Variants in CRISPLD2 observed in about 807,000 individuals in gnomAD.
The protein encoded by CRISPLD2 is cysteine-rich secretory protein LCCL domain-containing 2.
In CRISPLD2, 47 loss-of-function variants were observed where a neutral mutation model predicts 71.1. The observed-to-expected ratio is 0.66, with a 90% CI of 0.52 to 0.84. CRISPLD2 has a LOEUF of 0.84. CRISPLD2 is among the 40% of genes least tolerant of loss of function. CRISPLD2 has a pLI of 0.00. For missense variants in CRISPLD2, 830 were observed against 651.1 expected, an observed-to-expected ratio of 1.27 and a Z score of -2.99; for synonymous variants, 317 against 250.1, an observed-to-expected ratio of 1.27 and a Z score of -2.52.
chr16:84,894,200 G>A (rs75900176), intron 14 of CRISPLD2, among the ~76,000 whole-genome samples: 118 of 152,188 alleles, frequency 7.8e-4, no homozygotes, highest in African/African-American at 2.7e-3. Flanking sequence ...TGCCCACCTG[G>A]GTATCAAAGG....
rs2071812552 is a variant in CRISPLD2, at chr16:84,907,353, C to T, written c.*711C>T. 1 of 152,528 alleles carries T rather than the reference C, an allele frequency of 6.6e-6. No individual in the cohort carries two copies. The highest frequency in any genetic ancestry group is 6.5e-5 in the Admixed American group (1 of 15,286). The allele number at this position is 152,528 out of a possible 1,614,324, so 9.4% of individuals were successfully genotyped here. On this transcript the variant is annotated 3_prime_UTR_variant, in exon 15 of 15. Coordinates refer to ENST00000262424, the MANE Select transcript of CRISPLD2 (RefSeq NM_031476.4). Reference sequence around the variant, plus strand: ...TTCAGCAGTCACTTCAGAGATGTATCTTGTCTTTGTCAGGCCCTTCGTCTT... The same window carrying T: ...TTCAGCAGTCACTTCAGAGATGTATTTTGTCTTTGTCAGGCCCTTCGTCTT...
Position 84,820,352 on chromosome 16 carries a change from A to G in CRISPLD2, c.-75+219A>G, listed in dbSNP as rs1916203826. 2.0e-5 allele frequency among the ~76,000 whole-genome samples: 3 copies of G among 152,274 alleles called. No homozygotes were observed. In the South Asian group the frequency reaches 6.2e-4, roughly 32 times the overall value. ...CTCATTTGTCCAGGACCTCGCAGCC[A>G]GGACTCCAAGGACCCAGGATTCAAC... On this transcript the variant is annotated intron_variant, in intron 1 of 14. Coordinates refer to ENST00000262424, the MANE Select transcript of CRISPLD2 (RefSeq NM_031476.4).
At chr16:84,902,376 G>A (rs2071762873) in intron 14 of CRISPLD2, among the ~76,000 whole-genome samples, 1 of 151,800 alleles carries the variant, frequency 6.6e-6, no homozygotes, top group African/African-American at 2.4e-5. Flanking sequence ...TTGGGAGGCC[G>A]AGGAGGGTGG....
intron 3 of CRISPLD2, among the ~76,000 whole-genome samples, chr16:84,849,001 AAAG>A (rs1916996892): frequency 6.6e-6 from 1 of 150,556 alleles, no homozygotes; most frequent in Non-Finnish European, 1.5e-5. Flanking sequence ...AAAAAAAAAA[AAAG>A]AAAGGACTCA....
chr16:84,882,648 A>G (rs1002606468), intron 13 of CRISPLD2, among the ~76,000 whole-genome samples: 3 of 152,136 alleles, frequency 2.0e-5, no homozygotes, highest in South Asian at 4.1e-4. Flanking sequence ...CAGGTGATCC[A>G]CCCACCTTGG....
chr16:84,853,112 G>A (rs547653046), intron 5 of CRISPLD2, among the ~76,000 whole-genome samples: 6 of 152,288 alleles, frequency 3.9e-5, no homozygotes, highest in African/African-American at 1.4e-4. Flanking sequence ...TGCCCAGCCA[G>A]CCTTCCACCA....
chr16:84,842,852 G>C (rs1396895369), intron 2 of CRISPLD2, among the ~76,000 whole-genome samples: 1 of 152,130 alleles, frequency 6.6e-6, no homozygotes, highest in Admixed American at 6.5e-5. Context: ...GAGGCCCCAC[G>C]TCTCTCTGGA....
intron 11 of CRISPLD2, among the ~76,000 whole-genome samples, chr16:84,876,798 A>AAAAAAG (rs1457560359): frequency 6.6e-6 from 1 of 152,266 alleles, no homozygotes. Flanking sequence ...GTCTCAAAGA[A>AAAAAAG]AAAAAGAAAA....
intron 6 of CRISPLD2, 102 bp downstream of exon 6, chr16:84,854,931 C>T (rs1917195294): frequency 3.3e-6 from 3 of 911,624 alleles, no homozygotes; most frequent in African/African-American, 3.2e-5. Context: ...TCAGTCACCC[C>T]TCCTGGCCCT....
At chr16:84,839,163 A>G (rs1916706491) in intron 2 of CRISPLD2, 1 of 354,386 alleles carries the variant, frequency 2.8e-6, no homozygotes, top group Non-Finnish European at 5.5e-6. Context: ...CTAGGATTAT[A>G]GGCATGAGTC....
chr16:84,860,054 TCCA>T (rs1241508611), intron 6 of CRISPLD2, among the ~76,000 whole-genome samples: 1 of 147,440 alleles, frequency 6.8e-6, no homozygotes, highest in African/African-American at 2.5e-5. Flanking sequence ...AAATGACTAA[TCCA>T]CTCTACCATC....
rs114985131 is a variant in CRISPLD2 at position 84,870,697 on chromosome 16, C to T, written c.915-1745C>T. On this transcript the variant is annotated intron_variant, in intron 8 of 14. Coordinates refer to ENST00000262424, the MANE Select transcript of CRISPLD2 (RefSeq NM_031476.4). The stretch of plus-strand genomic sequence containing the variant: ...AGTGACTGCCTGATACTCTGACACA[C>T]GACTGTACATGAATGTGTTTAGCCA... 8.8e-3 allele frequency among the ~76,000 whole-genome samples: 1,337 copies of T among 152,324 alleles called. 16 individuals are homozygous for T. Among genetic ancestry groups the T allele is most frequent in the African/African-American group, 0.03 (1,256 of 41,562 alleles).
In CRISPLD2 at chr16:84,847,453, T is replaced by C. The variant is rs183063516; in HGVS notation, c.359+1549T>C. 3.8e-3 allele frequency among the ~76,000 whole-genome samples: 580 copies of C among 152,192 alleles called. 4 individuals carry two copies. Among genetic ancestry groups the C allele is most frequent in the South Asian group, 0.013 (63 of 4,804 alleles). The stretch of plus-strand genomic sequence containing the variant: ...GAATACAAGGTCAGGAGTTCAAGAC[T>C]ATCCTGGCCAACATAGTGAAACCCC... On this transcript the variant is annotated intron_variant, in intron 3 of 14. Coordinates refer to ENST00000262424, the MANE Select transcript of CRISPLD2 (RefSeq NM_031476.4).
intron 9 of CRISPLD2, 135 bp from the exon 10 acceptor site, chr16:84,872,857 A>G: frequency 9.0e-7 from 1 of 1,105,052 alleles, no homozygotes; most frequent in South Asian, 1.6e-5. Flanking sequence ...CAGAGGCGAG[A>G]GGCAGGAGCA....
intron 6 of CRISPLD2, among the ~76,000 whole-genome samples, chr16:84,864,845 C>T (rs1370539696): frequency 6.6e-6 from 1 of 152,166 alleles, no homozygotes; most frequent in Non-Finnish European, 1.5e-5. Flanking sequence ...CAGGGTGACC[C>T]GTGAGCACAT....
intron 14 of CRISPLD2, among the ~76,000 whole-genome samples, chr16:84,902,787 T>TG (rs1238401111): frequency 7.1e-6 from 1 of 140,792 alleles, no homozygotes; most frequent in Non-Finnish European, 1.5e-5. Flanking sequence ...TTTTTTTTTT[T>TG]TTTTGAGACA....
chr16:84,866,018 A>G (rs193099831), intron 6 of CRISPLD2, among the ~76,000 whole-genome samples: 170 of 152,308 alleles, frequency 1.1e-3, no homozygotes, highest in African/African-American at 3.9e-3. Context: ...AGAAGCAACA[A>G]TTGAGCTGGT....
At chr16:84,876,338 C>T (rs1050376852) in intron 11 of CRISPLD2, among the ~76,000 whole-genome samples, 4 of 151,946 alleles carry the variant, frequency 2.6e-5, no homozygotes, top group Admixed American at 6.6e-5. Flanking sequence ...CCCGTCTCTA[C>T]TAAAAATACA....
intron 1 of CRISPLD2, among the ~76,000 whole-genome samples, chr16:84,830,564 G>A (rs555935392): frequency 1.1e-4 from 17 of 152,180 alleles, no homozygotes; most frequent in African/African-American, 2.2e-4. Context: ...TTAGCCAGGC[G>A]TGGTGGCATG....
Sources: allele counts gnomAD v4.1 joint callset (sites outside exome capture counted in the v4.1 genomes callset), GRCh38; gene constraint gnomAD v4.1.1; transcripts MANE v1.5; gene names NCBI Gene and HGNC (gene_info 2026-07-23, HGNC 2026-07-21).